The following MGRN1 variants were observed in gnomAD, a reference collection of about 807,000 sequenced individuals.
The protein encoded by MGRN1 is E3 ubiquitin-protein ligase MGRN1.
Under a neutral mutation model 69.2 loss-of-function variants are expected in MGRN1, and 29 were observed. The ratio of observed to expected loss-of-function variants is 0.42; its 90% CI spans 0.31 to 0.57. The LOEUF is 0.57. Among genes scored for constraint, MGRN1 ranks in the 20% least tolerant of loss-of-function variants. The probability of loss-of-function intolerance (pLI) is 0.15; values close to 1 mark genes in which losing one functional copy is unlikely to be tolerated. For synonymous variants in MGRN1, 470 were observed against 344.2 expected, an observed-to-expected ratio of 1.37 and a Z score of -4.04; for missense variants, 998 against 796.2, an observed-to-expected ratio of 1.25 and a Z score of -3.05.
intron 4 of MGRN1, among the ~76,000 whole-genome samples, chr16:4,654,487 C>T (rs1348236563): frequency 6.6e-6 from 1 of 152,272 alleles, no homozygotes; most frequent in Non-Finnish European, 1.5e-5. Flanking sequence ...TACAAGGGCA[C>T]ATGTGCCCCA....
Position 4,689,093 on chromosome 16 carries a change from A to G in MGRN1, c.*185A>G. 2 of 742,276 alleles carry G rather than the reference A, an allele frequency of 2.7e-6. No individual in the cohort carries two copies. Among genetic ancestry groups the G allele is most frequent in the Admixed American group, 3.2e-5 (1 of 31,584 alleles). The allele number at this position is 742,276 out of a possible 1,614,324, so 46.0% of individuals were successfully genotyped here. Reference sequence around the variant, plus strand: ...TGTCCCTTCTGAGTCTCCCTTTTCTACAGTTGATATATTTGTAACTGGTAC... The same window carrying G: ...TGTCCCTTCTGAGTCTCCCTTTTCTGCAGTTGATATATTTGTAACTGGTAC... On this transcript the variant is annotated 3_prime_UTR_variant, in exon 17 of 17. Coordinates refer to ENST00000262370, the MANE Select transcript of MGRN1 (RefSeq NM_015246.4).
Position 4,665,060 on chromosome 16 carries a change from C to A in MGRN1, c.629-42C>A, listed in dbSNP as rs1330181127. The A allele has an allele frequency of 2.5e-6, 4 of 1,611,398 alleles. No individual in the cohort carries two copies. The Admixed American group carries it at 5.0e-5, about 20-fold the overall frequency. On this transcript the variant is annotated intron_variant, in intron 6 of 16. Coordinates refer to ENST00000262370, the MANE Select transcript of MGRN1 (RefSeq NM_015246.4). ...GGGGAGGTGAGATGCCTGGGTGGGG[C>A]AGGCCCCGACTCTGACTACTCTGCC...
chr16:4,681,794 C>T lies in MGRN1; in HGVS notation c.1358+18C>T. On this transcript the variant is annotated intron_variant, in intron 13 of 16. Transcript: ENST00000262370. ...CCCGACAGGTGAGCAGCAGCCAGGC[C>T]AGGTGCATGGCAGGGTGTGTGGTGG... 1.9e-6 allele frequency: 3 copies of T among 1,604,658 alleles called. No homozygotes were observed. In the South Asian group the frequency reaches 3.3e-5, roughly 18 times the overall value.
intron 13 of MGRN1, 145 bp from the exon 14 acceptor site, chr16:4,682,678 G>A (rs2079215687): frequency 2.0e-6 from 2 of 978,412 alleles, no homozygotes; most frequent in South Asian, 6.1e-5. Context: ...CCCGGTGGCT[G>A]GTGATGCCCT....
chr16:4,630,845 C>G (rs1156710249), intron 1 of MGRN1, among the ~76,000 whole-genome samples: 4 of 129,344 alleles, frequency 3.1e-5, no homozygotes, highest in Non-Finnish European at 6.4e-5. Flanking sequence ...GAGATAGGGT[C>G]TTACTCTGTC....
At chr16:4,655,146 G>A (rs2078504280) in intron 4 of MGRN1, among the ~76,000 whole-genome samples, 1 of 152,190 alleles carries the variant, frequency 6.6e-6, no homozygotes, top group Non-Finnish European at 1.5e-5. Context: ...CCGACATGGT[G>A]GAGGAGCTGG....
intron 1 of MGRN1, among the ~76,000 whole-genome samples, chr16:4,642,177 C>T (rs2078174569): frequency 6.7e-6 from 1 of 148,346 alleles, no homozygotes; most frequent in East Asian, 2.0e-4. Flanking sequence ...TTCGCCCAGG[C>T]TGGAGTGCAG....
intron 1 of MGRN1, among the ~76,000 whole-genome samples, chr16:4,637,201 G>A (rs1164260322): frequency 2.0e-5 from 3 of 151,110 alleles, no homozygotes; most frequent in Non-Finnish European, 2.9e-5. Context: ...AGGCTGAGGC[G>A]GGCAGATCAC....
At chr16:4,663,102 C>T (rs565833768) in intron 5 of MGRN1, among the ~76,000 whole-genome samples, 4 of 152,174 alleles carry the variant, frequency 2.6e-5, no homozygotes, top group Non-Finnish European at 5.9e-5. Context: ...CTCACTGTGT[C>T]GCCCAGGCTG....
intron 5 of MGRN1, among the ~76,000 whole-genome samples, chr16:4,658,692 C>G (rs376747143): frequency 4.6e-5 from 7 of 151,372 alleles, no homozygotes; most frequent in African/African-American, 1.7e-4. Context: ...CTGTAAAAAG[C>G]CTCCCTTGTC....
At chr16:4,665,051 T>C in intron 6 of MGRN1, 51 bp from the exon 7 acceptor site, 1 of 1,606,580 alleles carries the variant, frequency 6.2e-7, no homozygotes, top group Non-Finnish European at 8.5e-7. Flanking sequence ...GTGAGATGCC[T>C]GGGTGGGGCA....
chr16:4,651,726 C>T (rs900593245), intron 2 of MGRN1, among the ~76,000 whole-genome samples: 1 of 152,086 alleles, frequency 6.6e-6, no homozygotes, highest in Non-Finnish European at 1.5e-5. Flanking sequence ...AGGGGTCTGG[C>T]GTTGAGGCTG....
rs1246804775 is a variant in MGRN1, at chr16:4,650,465, G to A, written c.189G>A (p.Leu63=). The change falls in exon 2 of 17, where the codon CTG becomes CTA. Residue 63 remains leucine (L), a synonymous_variant. Coordinates refer to ENST00000262370, the MANE Select transcript of MGRN1 (RefSeq NM_015246.4). ...GAGAGAACATGGATCTGAACTTCCT[G>A]GGCAGCCGCCCGGTCCAGGTGGGTC... is the stretch of plus-strand genomic sequence containing the variant. The part of the protein sequence containing the change: ...LFGENMDLNF[L]GSRPVQFPYV... The A allele has an allele frequency of 6.2e-7, 1 of 1,613,538 alleles. No individual in the cohort carries two copies. The highest frequency in any genetic ancestry group is 8.5e-7 in the Non-Finnish European group (1 of 1,179,836).
intron 1 of MGRN1, among the ~76,000 whole-genome samples, chr16:4,628,475 C>G (rs188139053): frequency 7.2e-4 from 109 of 152,170 alleles, no homozygotes; most frequent in African/African-American, 2.4e-3. Flanking sequence ...AGACATTTCC[C>G]TTGTAAAAGT....
At chr16:4,649,440 C>T (rs1221033293) in intron 1 of MGRN1, 2 of 152,210 alleles carry the variant, frequency 1.3e-5, no homozygotes, top group African/African-American at 2.4e-5. Flanking sequence ...AGGACTCTTC[C>T]TTACCTCTCC....
chr16:4,656,980 G>A (rs1400480370), intron 4 of MGRN1, among the ~76,000 whole-genome samples: 1 of 152,200 alleles, frequency 6.6e-6, no homozygotes, highest in Admixed American at 6.5e-5. Context: ...CACTGGGGAG[G>A]TATCAAAGGG....
chr16:4,641,585 C>G (rs141660951), intron 1 of MGRN1, among the ~76,000 whole-genome samples: 132 of 147,716 alleles, frequency 8.9e-4, no homozygotes, highest in South Asian at 1.7e-3. Flanking sequence ...GTGGTGCAGT[C>G]TCGGCTGACC....
intron 16 of MGRN1, among the ~76,000 whole-genome samples, chr16:4,684,776 T>C (rs2079270082): frequency 6.6e-6 from 1 of 152,254 alleles, no homozygotes; most frequent in African/African-American, 2.4e-5. Context: ...TGTCTGCGGC[T>C]CTGGAACTGC....
rs774328339 is a variant in MGRN1 at position 4,671,398 on chromosome 16, G to A, written c.734G>A (p.Arg245Gln). ...CCCCTCTCTGCTCTCCAGGTGGACC[G>A]GGTCAGCTACCTCCTGCAGGAGATC... ...KPLKQKQIVD[R>Q]VSYLLQEIYG... is the part of the protein sequence containing the mutation. The change falls in exon 9 of 17, where the codon CGG becomes CAG. Residue 245 changes from arginine to glutamine, a missense_variant. Physicochemically the swap from Arg to Gln is conservative, Grantham distance 43. Coordinates refer to ENST00000262370, the MANE Select transcript of MGRN1 (RefSeq NM_015246.4). 17 of 1,613,978 alleles carry A rather than the reference G, an allele frequency of 1.1e-5. No individual in the cohort carries two copies. Among genetic ancestry groups the A allele is most frequent in the African/African-American group, 4.0e-5 (3 of 74,912 alleles).
Sources: allele counts gnomAD v4.1 joint callset (sites outside exome capture counted in the v4.1 genomes callset), GRCh38; gene constraint gnomAD v4.1.1; transcripts MANE v1.5; gene names NCBI Gene and HGNC (gene_info 2026-07-23, HGNC 2026-07-21).